IRF9: variants seen among roughly 807,000 people sequenced by gnomAD.
IRF9 encodes IFN-alpha-responsive transcription factor subunit.
Under a neutral mutation model 44.1 loss-of-function variants are expected in IRF9, and 13 were observed. The observed-to-expected ratio is 0.29, with a 90% confidence interval of 0.19 to 0.47. The LOEUF is 0.47. IRF9 is among the 20% of genes least tolerant of loss of function. The pLI is 1.00. For synonymous variants in IRF9, 189 were observed against 188.5 expected, an observed-to-expected ratio of 1.00 and a Z score of -0.02; for missense variants, 373 against 496.1, an observed-to-expected ratio of 0.75 and a Z score of 2.36.
In IRF9 at chr14:24,163,859, A is replaced by G; in HGVS notation, c.496-19A>G. The G allele has an allele frequency of 6.3e-7, 1 of 1,584,258 alleles. No individual in the cohort carries two copies. Among genetic ancestry groups the G allele is most frequent in the South Asian group, 1.2e-5 (1 of 85,714 alleles). On this transcript the variant is annotated intron_variant, in intron 4 of 8. Transcript: ENST00000396864. Reference sequence around the variant, plus strand: ...TCTCAAAAAAAGAGAAAAAAAATAAAAAGACACTGTGTCCGCAGGAGGAGG... The same window carrying G: ...TCTCAAAAAAAGAGAAAAAAAATAAGAAGACACTGTGTCCGCAGGAGGAGG...
Position 24,163,511 on chromosome 14 carries a change from A to G in IRF9, c.495+3A>G. 1.2e-6 allele frequency: 2 copies of G among 1,613,682 alleles called. No individual in the cohort carries two copies. Among genetic ancestry groups the G allele is most frequent in the Non-Finnish European group, 1.7e-6 (2 of 1,179,720 alleles). ...TGCTCCAGGACTCCCTCAATAATGT[A>G]AGAGATGGAGAGGGAACTGGGTGGG... On this transcript the variant is annotated splice_donor_region_variant and intron_variant, in intron 4 of 8. Coordinates refer to ENST00000396864, the MANE Select transcript of IRF9 (RefSeq NM_006084.5).
At chr14:24,163,282 C>G (rs1026093447) in intron 3 of IRF9, 96 bp from the exon 4 acceptor site, 7 of 1,552,822 alleles carry the variant, frequency 4.5e-6, no homozygotes, top group African/African-American at 1.4e-5. Flanking sequence ...GTTTCCCTTC[C>G]TAGACCTGCC....
In IRF9 at chr14:24,166,521, A is replaced by C. The variant is rs373937191; in HGVS notation, c.*325A>C. 2.3e-6 allele frequency: 1 copy of C among 437,882 alleles called. No individual in the cohort carries two copies. The highest frequency in any genetic ancestry group is 2.0e-5 in the African/African-American group (1 of 49,304). The allele number at this position is 437,882 out of a possible 1,614,324, so 27.1% of individuals were successfully genotyped here. A position where few individuals can be genotyped will look rare whatever the true frequency, so the allele number is the denominator to read the frequency against. The stretch of plus-strand genomic sequence containing the variant: ...GCCAAGCACTTTATATTTTCCTCTT[A>C]GATATTCACTAAGGACTTAAAATAA... On this transcript the variant is annotated 3_prime_UTR_variant, in exon 9 of 9. Transcript: ENST00000396864.
At position 24,164,924 on chromosome 14, in the gene IRF9, G is replaced by A. The variant is rs200908670; in HGVS notation, c.960G>A (p.Val320=). Residue 320 remains valine, a synonymous_variant, in exon 7 of 9, where the codon GTG becomes GTA. Coordinates refer to ENST00000396864, the MANE Select transcript of IRF9 (RefSeq NM_006084.5). This position sits in a 1 kb window ranked among gnomAD's most constrained non-coding sequence, Gnocchi z 5.2. Reference sequence around the variant, plus strand: ...ATCTGCTGCCCAGCAACGAGTGCGTGGAGCTCTTCAGAACCGCCTACTTCT... The same window carrying A: ...ATCTGCTGCCCAGCAACGAGTGCGTAGAGCTCTTCAGAACCGCCTACTTCT... ...GPHLLPSNEC[V]ELFRTAYFCR... 4.5e-5 allele frequency: 72 copies of A among 1,612,750 alleles called. No homozygotes were observed. The highest frequency in any genetic ancestry group is 6.0e-5 in the Non-Finnish European group (71 of 1,179,782).
At position 24,162,278 on chromosome 14, in the gene IRF9, C is replaced by G; in HGVS notation, c.134C>G (p.Ala45Gly). 1 of 1,614,096 alleles carries G rather than the reference C, an allele frequency of 6.2e-7. No individual in the cohort carries two copies. Among genetic ancestry groups the G allele is most frequent in the East Asian group, 2.2e-5 (1 of 44,876 alleles). Residue 45 changes from alanine (A) to glycine (G), a missense_variant, in exon 2 of 9, where the codon GCA becomes GGA. Around this residue, in one of 2 missense-constraint regions of IRF9, gnomAD observed 227 missense variants for 255.3 expected, o/e 0.89. Transcript: ENST00000396864. ...KTMFRIPWKH[A>G]GKQDFREDQD... ...ATGTTCCGGATTCCCTGGAAACATG[C>G]AGGCAAGCAGGACTTCCGGGAGGAC...
Position 24,162,274 on chromosome 14 carries a change from C to CAT in IRF9, c.131_132dup (p.Ala45MetfsTer229). ...GACCATGTTCCGGATTCCCTGGAAA[C>CAT]ATGCAGGCAAGCAGGACTTCCGGGA... On this transcript the variant is annotated frameshift_variant, in exon 2 of 9. Transcript: ENST00000396864. LOFTEE classifies it high-confidence loss of function. 1 of 1,614,144 alleles carries CAT rather than the reference C, an allele frequency of 6.2e-7. No homozygotes were observed. Among genetic ancestry groups the CAT allele is most frequent in the Non-Finnish European group, 8.5e-7 (1 of 1,180,036 alleles).
In IRF9 at chr14:24,166,139, C is replaced by T; in HGVS notation, c.1125C>T (p.Ala375=). The change falls in exon 9 of 9, where the codon GCC becomes GCT. Residue 375 remains alanine, a synonymous_variant. Coordinates refer to ENST00000396864, the MANE Select transcript of IRF9 (RefSeq NM_006084.5). ...CAATACAGATGGAGCAGGCCTTTGC[C>T]CGATACTTGCTGGAGCAGACTCCAG... ...LITVKMEQAF[A]RYLLEQTPEQ... is the part of the protein sequence containing the mutation. 1 of 1,614,044 alleles carries T rather than the reference C, an allele frequency of 6.2e-7. No individual in the cohort carries two copies. The highest frequency in any genetic ancestry group is 8.5e-7 in the Non-Finnish European group (1 of 1,180,006).
intron 8 of IRF9, 61 bp from the exon 9 acceptor site, chr14:24,166,061 G>C: frequency 1.3e-6 from 2 of 1,587,308 alleles, no homozygotes; most frequent in Admixed American, 3.4e-5. Context: ...GGAGCTCCTG[G>C]GGGTGGTGTC....
rs1375684578 is a variant in IRF9, at chr14:24,164,011, C to T, written c.577+52C>T. The stretch of plus-strand genomic sequence containing the variant: ...GTCCCCCATGCCACACCCTCTGGCC[C>T]AAGACTCCCCAGTCCCACTCTGAAT... On this transcript the variant is annotated intron_variant, in intron 5 of 8. Coordinates refer to ENST00000396864, the MANE Select transcript of IRF9 (RefSeq NM_006084.5). The surrounding 1 kb of genome is among the most constrained non-coding windows in gnomAD (Gnocchi z 5.2). The T allele has an allele frequency of 8.1e-6, 13 of 1,612,284 alleles. No homozygotes were observed. The highest frequency in any genetic ancestry group is 4.5e-5 in the East Asian group (2 of 44,868).
At chr14:24,165,603 C>A (rs1429359389) in intron 7 of IRF9, among the ~76,000 whole-genome samples, 1 of 152,212 alleles carries the variant, frequency 6.6e-6, no homozygotes, top group Non-Finnish European at 1.5e-5. Context: ...ACTCTCCCAG[C>A]AGAGAGCTTG....
At position 24,163,414 on chromosome 14, in the gene IRF9, A is replaced by C. The variant is rs779171817; in HGVS notation, c.401A>C (p.Gln134Pro). ...PGTQKVPSKRQHSSVSSERKE... is the reference protein window; with the variant it reads ...PGTQKVPSKRPHSSVSSERKE... Reference sequence around the variant, plus strand: ...ACTCAGAAAGTACCATCAAAGCGACAGCACAGTTCTGTGTCCTCTGAGAGG... The same window carrying C: ...ACTCAGAAAGTACCATCAAAGCGACCGCACAGTTCTGTGTCCTCTGAGAGG... Residue 134 changes from glutamine (Q) to proline (P), a missense_variant, in exon 4 of 9, where the codon CAG becomes CCG. By Grantham distance (76) the Gln-to-Pro change is moderately conservative (BLOSUM62 -1). Around this residue, in one of 2 missense-constraint regions of IRF9, gnomAD observed 227 missense variants for 255.3 expected, o/e 0.89. Coordinates refer to ENST00000396864, the MANE Select transcript of IRF9 (RefSeq NM_006084.5). 1.9e-6 allele frequency: 3 copies of C among 1,614,212 alleles called. No homozygotes were observed. The highest frequency in any genetic ancestry group is 2.5e-6 in the Non-Finnish European group (3 of 1,180,022).
In IRF9 at chr14:24,164,604, C is replaced by G. The variant is rs776719675; in HGVS notation, c.650-10C>G. Reference sequence around the variant, plus strand: ...TCCTCCAGCACCAGGTAGGGCTGTTCTATCCCCAGACTACTCACTGCTGCT... The same window carrying G: ...TCCTCCAGCACCAGGTAGGGCTGTTGTATCCCCAGACTACTCACTGCTGCT... On this transcript the variant is annotated splice_polypyrimidine_tract_variant and intron_variant, in intron 6 of 8. Transcript: ENST00000396864. This position sits in a 1 kb window ranked among gnomAD's most constrained non-coding sequence, Gnocchi z 5.2. 10 of 1,576,048 alleles carry G rather than the reference C, an allele frequency of 6.3e-6. No individual in the cohort carries two copies. The highest frequency in any genetic ancestry group is 8.7e-6 in the Non-Finnish European group (10 of 1,155,264).
chr14:24,163,364 C>T lies in IRF9; in HGVS notation c.365-14C>T, dbSNP rs769727944. ...AAGACCCTGACCTTTCTCTGTCCCT[C>T]AACAATTCCACAGGCCAGCCAGGGA... On this transcript the variant is annotated splice_polypyrimidine_tract_variant and intron_variant, in intron 3 of 8. Transcript: ENST00000396864. 6.2e-6 allele frequency: 10 copies of T among 1,611,976 alleles called. No homozygotes were observed. The highest frequency in any genetic ancestry group is 3.3e-4 in the Middle Eastern group (2 of 6,046).
In IRF9 at chr14:24,166,343, C is replaced by CA. The variant is rs1378753120; in HGVS notation, c.*148dup. 1.4e-6 allele frequency: 1 copy of CA among 725,266 alleles called. No homozygotes were observed. Among genetic ancestry groups the CA allele is most frequent in the African/African-American group, 1.8e-5 (1 of 56,768 alleles). The allele number at this position is 725,266 out of a possible 1,614,324, so 44.9% of individuals were successfully genotyped here. On this transcript the variant is annotated 3_prime_UTR_variant, in exon 9 of 9. Coordinates refer to ENST00000396864, the MANE Select transcript of IRF9 (RefSeq NM_006084.5). ...ATCGTGTCCTGAAAATCCTCGCACA[C>CA]ACTGGCTGGTGGAGAACTCAAGGCT...
intron 2 of IRF9, chr14:24,162,695 G>A (rs961447108): frequency 1.5e-5 from 7 of 457,086 alleles, no homozygotes; most frequent in Non-Finnish European, 2.7e-5. Flanking sequence ...AGCTACTCGG[G>A]AGACTGAGGC....
At chr14:24,165,983 G>C (rs771859175) in intron 8 of IRF9, 21 bp downstream of exon 8, 4 of 1,603,912 alleles carry the variant, frequency 2.5e-6, no homozygotes, top group South Asian at 1.1e-5. Context: ...AGCAGGGGTA[G>C]AGTACCCATC....
In IRF9 at chr14:24,165,893, G is replaced by A. The variant is rs754107058; in HGVS notation, c.1038G>A (p.Gln346=). The A allele has an allele frequency of 1.2e-6, 2 of 1,614,072 alleles. No homozygotes were observed. Among genetic ancestry groups the A allele is most frequent in the South Asian group, 2.2e-5 (2 of 91,080 alleles). The stretch of plus-strand genomic sequence containing the variant: ...GCCTGGGCCCCCCACCGAAGTTCCA[G>A]GTAACACTGAATTTCTGGGAAGAGA... The part of the protein sequence containing the change: ...FQGLGPPPKF[Q]VTLNFWEESH... The change falls in exon 8 of 9, where the codon CAG becomes CAA. Residue 346 remains glutamine (Q), a synonymous_variant. Transcript: ENST00000396864.
chr14:24,163,290 G>A, intron 3 of IRF9, 88 bp from the exon 4 acceptor site: 1 of 1,557,472 alleles, frequency 6.4e-7, no homozygotes, highest in Middle Eastern at 1.8e-4. Flanking sequence ...TCCTAGACCT[G>A]CCCATCCTTC....
In IRF9 at chr14:24,166,202, G is replaced by A; in HGVS notation, c.*6G>A. On this transcript the variant is annotated 3_prime_UTR_variant, in exon 9 of 9. Coordinates refer to ENST00000396864, the MANE Select transcript of IRF9 (RefSeq NM_006084.5). Reference sequence around the variant, plus strand: ...CCATTCTGTCCCTGGTGTAGAGCCTGGGGGACCCATCTTCCACCTCACCTC... The same window carrying A: ...CCATTCTGTCCCTGGTGTAGAGCCTAGGGGACCCATCTTCCACCTCACCTC... The A allele has an allele frequency of 6.2e-7, 1 of 1,613,340 alleles. No individual in the cohort carries two copies. The highest frequency in any genetic ancestry group is 1.3e-5 in the African/African-American group (1 of 75,032).
Sources: allele counts gnomAD v4.1 joint callset (sites outside exome capture counted in the v4.1 genomes callset), GRCh38; gene constraint gnomAD v4.1.1; regional missense constraint gnomAD v4.1.1; non-coding constraint Gnocchi (gnomAD v3.1); transcripts MANE v1.5; gene names NCBI Gene and HGNC (gene_info 2026-07-23, HGNC 2026-07-21).